The following DNAAF11 variants were observed in gnomAD, a reference collection of about 807,000 sequenced individuals.
DNAAF11 encodes leucine rich repeat containing 6.
DNAAF11 carries 45 observed loss-of-function variants against 60.8 expected under a neutral mutation model. That is an observed-to-expected ratio of 0.74 (90% CI 0.58 to 0.95). DNAAF11 has a LOEUF of 0.95. Ranked by LOEUF, DNAAF11 falls within the 40% of genes least tolerant of loss-of-function variation. DNAAF11 has a pLI of 0.00. For synonymous variants in DNAAF11, 191 were observed against 183.5 expected, an observed-to-expected ratio of 1.04 and a Z score of -0.33; for missense variants, 546 against 546.2, an observed-to-expected ratio of 1.00 and a Z score of 0.00.
At chr8:132,701,530 G>C in the DNAAF11 span, among the ~76,000 whole-genome samples, 1 of 152,184 alleles carries the variant, frequency 6.6e-6, no homozygotes, top group African/African-American at 2.4e-5. Context: ...TCTACATCTT[G>C]ACTGTGAGCT....
chr8:132,689,012 A>G, the DNAAF11 span, among the ~76,000 whole-genome samples: 1 of 152,186 alleles, frequency 6.6e-6, no homozygotes, highest in East Asian at 1.9e-4. Context: ...TGTTTTTTCT[A>G]GAAGATTTTG....
At chr8:132,693,918 T>G in the DNAAF11 span, among the ~76,000 whole-genome samples, 1 of 152,180 alleles carries the variant, frequency 6.6e-6, no homozygotes, top group Non-Finnish European at 1.5e-5. Flanking sequence ...TTGAAGGCTT[T>G]GAGAACTTTG....
chr8:132,606,771 T>A (rs1197764735), intron 10 of DNAAF11, among the ~76,000 whole-genome samples: 1 of 152,192 alleles, frequency 6.6e-6, no homozygotes, highest in Admixed American at 6.5e-5. Context: ...TCCAAAGCGC[T>A]GAGATTACAG....
intron 10 of DNAAF11, among the ~76,000 whole-genome samples, chr8:132,596,310 A>C (rs1817013796): frequency 6.6e-6 from 1 of 152,190 alleles, no homozygotes; most frequent in African/African-American, 2.4e-5. Context: ...ACAGTTACAT[A>C]AGGCAGTTAT....
the DNAAF11 span, among the ~76,000 whole-genome samples, chr8:132,700,523 CAA>C: frequency 6.8e-4 from 92 of 135,374 alleles, no homozygotes; most frequent in African/African-American, 1.6e-3. Context: ...CCCACCTCTA[CAA>C]AAAAAAAAAA....
intron 10 of DNAAF11, among the ~76,000 whole-genome samples, chr8:132,593,716 C>G (rs996223753): frequency 2.0e-5 from 3 of 151,714 alleles, no homozygotes; most frequent in Non-Finnish European, 4.4e-5. Context: ...ATAAAGAGAT[C>G]AATGGAAAAA....
intron 1 of DNAAF11, among the ~76,000 whole-genome samples, chr8:132,665,171 C>T (rs945817266): frequency 2.4e-4 from 36 of 152,142 alleles, no homozygotes; most frequent in South Asian, 2.1e-4. Flanking sequence ...CATTTTATAG[C>T]GCTGAGGAAA....
chr8:132,607,006 T>C (rs1293956981), intron 10 of DNAAF11, among the ~76,000 whole-genome samples: 1 of 152,190 alleles, frequency 6.6e-6, no homozygotes, highest in Non-Finnish European at 1.5e-5. Context: ...ATAAATTTAG[T>C]GTAGCCTAAG....
At chr8:132,593,318 A>T (rs2131091244) in intron 10 of DNAAF11, among the ~76,000 whole-genome samples, 1 of 110,536 alleles carries the variant, frequency 9.0e-6, no homozygotes, top group South Asian at 2.9e-4. Flanking sequence ...TAAACTTCAA[A>T]GAATATATAC....
At chr8:132,637,105 A>C (rs1821377444) in intron 4 of DNAAF11, among the ~76,000 whole-genome samples, 1 of 152,192 alleles carries the variant, frequency 6.6e-6, no homozygotes, top group African/African-American at 2.4e-5. Context: ...TCAGTTCTAA[A>C]ATTACTCGAT....
At chr8:132,695,189 A>G in the DNAAF11 span, among the ~76,000 whole-genome samples, 1 of 152,188 alleles carries the variant, frequency 6.6e-6, no homozygotes. Context: ...GAGACAAATA[A>G]GCACAGAACT....
chr8:132,581,348 G>A (rs1001938326), intron 11 of DNAAF11, among the ~76,000 whole-genome samples: 1 of 152,064 alleles, frequency 6.6e-6, no homozygotes, highest in African/African-American at 2.4e-5. Context: ...ACACCAGGAA[G>A]AGATTAAGAA....
intron 5 of DNAAF11, among the ~76,000 whole-genome samples, chr8:132,630,232 T>C (rs1820664918): frequency 6.6e-6 from 1 of 152,190 alleles, no homozygotes; most frequent in Admixed American, 6.5e-5. Context: ...TATCAAGATA[T>C]GCTATAAATC....
At chr8:132,654,669 T>C (rs569210556) in intron 3 of DNAAF11, among the ~76,000 whole-genome samples, 5 of 149,982 alleles carry the variant, frequency 3.3e-5, no homozygotes, top group Admixed American at 6.7e-5. Context: ...AACACTGCTA[T>C]ATAACTAATA....
chr8:132,590,701 T>A (rs1394611854), intron 10 of DNAAF11, among the ~76,000 whole-genome samples: 2 of 152,218 alleles, frequency 1.3e-5, no homozygotes, highest in African/African-American at 4.8e-5. Flanking sequence ...GCAAGCTCTC[T>A]CCAGGTGATT....
intron 9 of DNAAF11, among the ~76,000 whole-genome samples, chr8:132,610,665 G>C (rs1818570974): frequency 6.6e-6 from 1 of 152,034 alleles, no homozygotes; most frequent in African/African-American, 2.4e-5. Flanking sequence ...CTTAGAATGG[G>C]TGTACAATTT....
At chr8:132,618,427 A>G (rs1229746196) in intron 7 of DNAAF11, among the ~76,000 whole-genome samples, 1 of 100,032 alleles carries the variant, frequency 1.0e-5, no homozygotes, top group East Asian at 2.6e-4. Flanking sequence ...CAATGGCAAC[A>G]AAAGCCAAAA....
At chr8:132,647,315 C>G (rs977540907) in intron 3 of DNAAF11, among the ~76,000 whole-genome samples, 2 of 152,002 alleles carry the variant, frequency 1.3e-5, no homozygotes, top group Admixed American at 1.3e-4. Context: ...AAAAAAGAAA[C>G]CAATGAGAAC....
chr8:132,594,915 T>C (rs1042669601), intron 10 of DNAAF11, among the ~76,000 whole-genome samples: 5 of 152,068 alleles, frequency 3.3e-5, no homozygotes, highest in Admixed American at 1.3e-4. Context: ...GTTTCCCCCA[T>C]GATGTTCTTG....
Sources: allele counts gnomAD v4.1 joint callset (sites outside exome capture counted in the v4.1 genomes callset), GRCh38; gene constraint gnomAD v4.1.1; transcripts MANE v1.5; gene names NCBI Gene and HGNC (gene_info 2026-07-23, HGNC 2026-07-21).